The following PHF21B variants were observed in gnomAD, a reference collection of about 807,000 sequenced individuals.
PHF21B encodes the protein PHD finger protein 21B.
PHF21B carries 22 observed loss-of-function variants against 62.2 expected under a neutral mutation model. The observed-to-expected ratio is 0.35, with a 90% confidence interval of 0.25 to 0.51. PHF21B has a LOEUF of 0.51. Ranked by LOEUF, PHF21B falls within the 20% of genes least tolerant of loss-of-function variation. The pLI is 0.97. For synonymous variants in PHF21B, 341 were observed against 314.7 expected, an observed-to-expected ratio of 1.08 and a Z score of -0.88; for missense variants, 701 against 707.9, an observed-to-expected ratio of 0.99 and a Z score of 0.11.
chr22:44,949,255 C>T (rs1026201129), intron 2 of PHF21B, among the ~76,000 whole-genome samples: 11 of 142,652 alleles, frequency 7.7e-5, no homozygotes, highest in African/African-American at 1.8e-4. Context: ...GAGCCAAGAT[C>T]GTGCCATTGC....
rs74341028 is a variant in PHF21B, at chr22:44,940,365, C to T, written c.121-19875G>A. On this transcript the variant is annotated intron_variant, in intron 2 of 12. Coordinates refer to ENST00000313237, the MANE Select transcript of PHF21B (RefSeq NM_138415.5). The stretch of plus-strand genomic sequence containing the variant: ...ACCAGCATTAGCATTGCTAATCTCC[C>T]GCCAGCCCCATCACAGGCACCCCTT... 4.1e-4 allele frequency among the ~76,000 whole-genome samples: 63 copies of T among 152,360 alleles called. No individual in the cohort carries two copies. In the East Asian group the frequency reaches 0.01, roughly 24 times the overall value.
chr22:45,008,852 G>A (rs1255658914), intron 1 of PHF21B: 14 of 1,173,362 alleles, frequency 1.2e-5, no homozygotes, highest in Non-Finnish European at 1.5e-5. Flanking sequence ...GAGGCCACCC[G>A]GCGGCGCGCC....
At chr22:44,974,090 T>C (rs1457010785) in intron 2 of PHF21B, among the ~76,000 whole-genome samples, 1 of 152,176 alleles carries the variant, frequency 6.6e-6, no homozygotes, top group East Asian at 1.9e-4. Context: ...TTCCATTCTC[T>C]GCCTGGAGTG....
intron 2 of PHF21B, among the ~76,000 whole-genome samples, chr22:44,996,831 T>C (rs1167123138): frequency 2.0e-5 from 3 of 151,494 alleles, no homozygotes; most frequent in Non-Finnish European, 4.4e-5. Flanking sequence ...TACACAGAGG[T>C]GGGCACACAC....
At chr22:44,979,879 G>A (rs1400339496) in intron 2 of PHF21B, among the ~76,000 whole-genome samples, 1 of 151,800 alleles carries the variant, frequency 6.6e-6, no homozygotes, top group Admixed American at 6.6e-5. Flanking sequence ...GACCAGTCTG[G>A]CCGACATGGT....
intron 2 of PHF21B, among the ~76,000 whole-genome samples, chr22:44,965,168 C>T (rs890840031): frequency 2.6e-5 from 4 of 152,142 alleles, no homozygotes; most frequent in Non-Finnish European, 5.9e-5. Context: ...GGACCATCCC[C>T]CTGTGCCACC....
intron 2 of PHF21B, among the ~76,000 whole-genome samples, chr22:44,961,044 A>C (rs2072409370): frequency 7.3e-6 from 1 of 137,666 alleles, no homozygotes. Flanking sequence ...GCAACTTCTG[A>C]CTCCCTGGTT....
chr22:44,980,838 G>A (rs1040711884), intron 2 of PHF21B, among the ~76,000 whole-genome samples: 1 of 152,130 alleles, frequency 6.6e-6, no homozygotes, highest in African/African-American at 2.4e-5. Flanking sequence ...CGTCTAACCC[G>A]GGACCAGGAA....
chr22:44,983,964 C>G (rs895227087), intron 2 of PHF21B, among the ~76,000 whole-genome samples: 1 of 151,714 alleles, frequency 6.6e-6, no homozygotes, highest in Admixed American at 6.6e-5. Context: ...GGCCCCTTTC[C>G]GACATGCCGA....
At chr22:44,917,748 CCT>C (rs2071464659) in intron 3 of PHF21B, among the ~76,000 whole-genome samples, 1 of 152,214 alleles carries the variant, frequency 6.6e-6, no homozygotes, top group Non-Finnish European at 1.5e-5. Context: ...CTCCTCCCAC[CCT>C]GTGTCCAGTG....
intron 5 of PHF21B, among the ~76,000 whole-genome samples, chr22:44,904,348 C>T (rs1209264633): frequency 2.0e-5 from 3 of 152,116 alleles, no homozygotes; most frequent in Non-Finnish European, 4.4e-5. Context: ...TCTATACACT[C>T]GGTTGTTTCT....
At chr22:44,925,641 T>C (rs2147325433) in intron 2 of PHF21B, among the ~76,000 whole-genome samples, 1 of 152,358 alleles carries the variant, frequency 6.6e-6, no homozygotes, top group East Asian at 1.9e-4. Flanking sequence ...GGCCACTGGA[T>C]GAGGCAGCTC....
chr22:44,925,817 C>G (rs543896231), intron 2 of PHF21B, among the ~76,000 whole-genome samples: 6 of 152,136 alleles, frequency 3.9e-5, no homozygotes, highest in Non-Finnish European at 8.8e-5. Flanking sequence ...ACCAGTGTTC[C>G]CCCAACTTCC....
intron 2 of PHF21B, among the ~76,000 whole-genome samples, chr22:44,975,429 A>G (rs2072718776): frequency 6.6e-6 from 1 of 152,162 alleles, no homozygotes; most frequent in South Asian, 2.1e-4. Flanking sequence ...TAGAAAGTGT[A>G]TGGAGAGCAG....
chr22:44,972,557 G>A (rs189260184), intron 2 of PHF21B, among the ~76,000 whole-genome samples: 11 of 152,328 alleles, frequency 7.2e-5, no homozygotes, highest in African/African-American at 1.9e-4. Context: ...CCAGGAAGCC[G>A]GTGCTGGCTC....
At chr22:44,950,446 C>A (rs1197759103) in intron 2 of PHF21B, among the ~76,000 whole-genome samples, 2 of 152,236 alleles carry the variant, frequency 1.3e-5, no homozygotes, top group African/African-American at 2.4e-5. Context: ...CAGGCAGGAT[C>A]AACTCCACCA....
rs780470850 is a variant in PHF21B, at chr22:44,885,450, G to C, written c.1353C>G (p.Asp451Glu). The part of the protein sequence containing the change: ...QNEHQQLEER[D>E]RRLASAVQKC... Reference sequence around the variant, plus strand: ...CCTGCACTGCTGACGCCAGCCGCCGGTCCCGCTCCTCCAGCTGCTGGTGCT... The same window carrying C: ...CCTGCACTGCTGACGCCAGCCGCCGCTCCCGCTCCTCCAGCTGCTGGTGCT... The change falls in exon 12 of 13, where the codon GAC becomes GAG. Residue 451 changes from aspartate (D) to glutamate (E), a missense_variant. Asp to Glu is a conservative substitution (Grantham distance 45). Transcript: ENST00000313237. The C allele has an allele frequency of 4.4e-6, 7 of 1,590,100 alleles. No individual in the cohort carries two copies. In the South Asian group the frequency reaches 8.0e-5, roughly 18 times the overall value.
intron 5 of PHF21B, chr22:44,901,737 T>A (rs112476861): frequency 2.7e-6 from 1 of 371,084 alleles, no homozygotes. Flanking sequence ...GTCAGAGGAA[T>A]TGGCAGATAT....
rs895501682 is a variant in PHF21B, at chr22:45,008,890, G to A, written c.55-280C>T. 2.9e-5 allele frequency: 34 copies of A among 1,176,698 alleles called. No homozygotes were observed. In the Admixed American group the frequency reaches 3.2e-4, roughly 11 times the overall value. The allele number at this position is 1,176,698 out of a possible 1,614,324, so 72.9% of individuals were successfully genotyped here. On this transcript the variant is annotated intron_variant, in intron 1 of 12. Transcript: ENST00000313237. ...GAGCCGTGCAAGTTTGCAGGCCGGG[G>A]TGCGTGTGCGAGTGAGTGTGAGTGT... is the stretch of plus-strand genomic sequence containing the variant.
Sources: allele counts gnomAD v4.1 joint callset (sites outside exome capture counted in the v4.1 genomes callset), GRCh38; gene constraint gnomAD v4.1.1; transcripts MANE v1.5; gene names NCBI Gene and HGNC (gene_info 2026-07-23, HGNC 2026-07-21).